HPD: variants seen among roughly 807,000 people sequenced by gnomAD.
HPD encodes the protein 4-hydroxyphenylpyruvate dioxygenase, also known as 4-hydroxyphenylpyruvic acid oxidase.
A neutral mutation model predicts 56.9 loss-of-function variants in HPD; 35 were observed. The ratio of observed to expected loss-of-function variants is 0.62; its 90% CI spans 0.47 to 0.82. The LOEUF is 0.82. Ranked by LOEUF, HPD falls within the 40% of genes least tolerant of loss-of-function variation. The pLI is 0.00. For synonymous variants in HPD, 186 were observed against 200.2 expected, an observed-to-expected ratio of 0.93 and a Z score of 0.60; for missense variants, 442 against 506.8, an observed-to-expected ratio of 0.87 and a Z score of 1.23.
intron 9 of HPD, 116 bp downstream of exon 9, chr12:121,848,883 G>T: frequency 1.2e-6 from 1 of 846,226 alleles, no homozygotes; most frequent in Non-Finnish European, 2.1e-6. Flanking sequence ...TGGGATTACG[G>T]GTGTGAGCCA....
the HPD span, among the ~76,000 whole-genome samples, chr12:121,883,222 GTGTGTGTGTGT>G: frequency 9.4e-5 from 14 of 148,762 alleles, no homozygotes; most frequent in African/African-American, 3.0e-4. Flanking sequence ...GTGTGTGTGT[GTGTGTGTGTGT>G]GTGGTGGGGT....
intron 6 of HPD, among the ~76,000 whole-genome samples, chr12:121,855,010 G>A (rs1877943452): frequency 1.3e-5 from 2 of 152,106 alleles, no homozygotes; most frequent in Admixed American, 1.3e-4. Flanking sequence ...TGGGGCTATG[G>A]GAGACAAACT....
the HPD span, among the ~76,000 whole-genome samples, chr12:121,881,100 A>G: frequency 6.6e-6 from 1 of 152,240 alleles, no homozygotes. Context: ...CCAGTATCTT[A>G]TTTTTAAAAA....
chr12:121,845,755 C>T (rs1877563233), intron 11 of HPD, among the ~76,000 whole-genome samples: 1 of 152,112 alleles, frequency 6.6e-6, no homozygotes, highest in Non-Finnish European at 1.5e-5. Context: ...GTCCCAATTC[C>T]CTGCTTTACT....
chr12:121,855,167 C>T (rs1877948104), intron 6 of HPD, among the ~76,000 whole-genome samples: 1 of 152,184 alleles, frequency 6.6e-6, no homozygotes, highest in African/African-American at 2.4e-5. Flanking sequence ...AACTGGACTG[C>T]ATGACAGTGC....
the HPD span, among the ~76,000 whole-genome samples, chr12:121,883,517 C>T: frequency 1.3e-5 from 2 of 151,986 alleles, no homozygotes; most frequent in East Asian, 3.9e-4. Flanking sequence ...ATTATAATGA[C>T]AGCAATATTG....
chr12:121,855,826 C>T (rs1278358869), intron 6 of HPD, among the ~76,000 whole-genome samples: 3 of 151,376 alleles, frequency 2.0e-5, no homozygotes, highest in South Asian at 2.1e-4. Context: ...CAAAACTAGC[C>T]GGGCGTGGTG....
chr12:121,848,010 T>G (rs150637507), intron 9 of HPD, among the ~76,000 whole-genome samples: 24 of 152,286 alleles, frequency 1.6e-4, no homozygotes, highest in African/African-American at 5.1e-4. Flanking sequence ...TGGAAGTGTC[T>G]TGGAACGAAA....
chr12:121,857,894 C>G, intron 2 of HPD, 75 bp from the exon 3 acceptor site: 1 of 1,088,184 alleles, frequency 9.2e-7, no homozygotes, highest in Non-Finnish European at 1.4e-6. Flanking sequence ...GTGATGTCCC[C>G]TAGCCACCCT....
At chr12:121,887,300 C>T in the HPD span, among the ~76,000 whole-genome samples, 1 of 151,602 alleles carries the variant, frequency 6.6e-6, no homozygotes, top group African/African-American at 2.4e-5. Context: ...GATCCTCCTG[C>T]CTTGATCTCC....
At chr12:121,841,083 T>C (rs1053825437) in intron 12 of HPD, among the ~76,000 whole-genome samples, 1 of 151,750 alleles carries the variant, frequency 6.6e-6, no homozygotes, top group African/African-American at 2.4e-5. Flanking sequence ...ACGCCTGTTA[T>C]CCCAGCTACT....
chr12:121,888,610 G>A, the HPD span: 1 of 523,360 alleles, frequency 1.9e-6, no homozygotes, highest in African/African-American at 1.9e-5. Flanking sequence ...GTGCAATTGC[G>A]TGGGGATCCA....
rs913277389 is a variant in HPD, at chr12:121,858,657, C to T, written c.30+30G>A. The T allele has an allele frequency of 5.6e-6, 9 of 1,610,788 alleles. No individual in the cohort carries two copies. In the Admixed American group the frequency reaches 1.2e-4, roughly 21 times the overall value. On this transcript the variant is annotated intron_variant, in intron 2 of 13. Transcript: ENST00000289004. ...CTCCGACCCCCTTCTAGACTCAGGC[C>T]CCTACATTTCCCACATTTCGCCTGC... is the stretch of plus-strand genomic sequence containing the variant.
rs1274678118 is a variant in HPD, at chr12:121,839,971, G to A, written c.1032C>T (p.Pro344=). The A allele has an allele frequency of 1.9e-5, 31 of 1,613,946 alleles. No homozygotes were observed. Among genetic ancestry groups the A allele is most frequent in the Non-Finnish European group, 2.6e-5 (31 of 1,179,924 alleles). Residue 344 remains proline (P), a synonymous_variant, in exon 13 of 14, where the codon CCC becomes CCT. Transcript: ENST00000289004. ...QIFTKPVQDR[P]TLFLEVIQRH... The stretch of plus-strand genomic sequence containing the variant: ...GCTGGATGACTTCCAGGAAGAGCGT[G>A]GGCCGGTCCTGCACCGGTTTGGTGA...
intron 12 of HPD, among the ~76,000 whole-genome samples, chr12:121,842,833 C>T (rs191339681): frequency 3.8e-4 from 58 of 150,652 alleles, no homozygotes; most frequent in African/African-American, 1.2e-3. Flanking sequence ...CTGCAACCTC[C>T]GCCTCCCGGG....
At chr12:121,865,379 CCTGCCT>C (rs1193522160), upstream of HPD, among the ~76,000 whole-genome samples, 25 of 151,722 alleles carry the variant, frequency 1.6e-4, no homozygotes, top group African/African-American at 6.0e-4. Context: ...AACCAATTCT[CCTGCCT>C]CAGCCTCCCA....
chr12:121,861,848 C>G (rs1878182214), upstream of HPD, among the ~76,000 whole-genome samples: 1 of 152,120 alleles, frequency 6.6e-6, no homozygotes, highest in Non-Finnish European at 1.5e-5. Context: ...TTAGCTACTG[C>G]AGAAGAAAAT....
At chr12:121,847,954 C>T (rs897023724) in intron 9 of HPD, among the ~76,000 whole-genome samples, 9 of 152,304 alleles carry the variant, frequency 5.9e-5, no homozygotes, top group South Asian at 2.1e-4. Flanking sequence ...TGGGCCACCA[C>T]GCCCAGCCTA....
At chr12:121,879,369 A>G in the HPD span, among the ~76,000 whole-genome samples, 5 of 151,948 alleles carry the variant, frequency 3.3e-5, no homozygotes, top group Non-Finnish European at 7.4e-5. Flanking sequence ...TAAGAGGAAA[A>G]AAAAGTAAAG....
Sources: gnomAD v4.1 joint callset for allele counts (sites outside exome capture counted in the v4.1 genomes callset) on GRCh38, gnomAD v4.1.1 for gene constraint, MANE v1.5 for transcripts, NCBI Gene and HGNC (gene_info 2026-07-23, HGNC 2026-07-21) for gene names.